The following DOCK4 variants were observed in gnomAD, a reference collection of about 807,000 sequenced individuals.
The protein encoded by DOCK4 is dedicator of cytokinesis 4, also known as dedicator of cytokinesis protein 4.
A neutral mutation model predicts 268.1 loss-of-function variants in DOCK4; 97 were observed. That is an observed-to-expected ratio of 0.36 (90% CI 0.31 to 0.43). The LOEUF (loss-of-function observed/expected upper bound fraction) is 0.43. Ranked by LOEUF, DOCK4 falls within the 20% of genes least tolerant of loss-of-function variation. The pLI, the probability that DOCK4 is intolerant of heterozygous loss-of-function variation, is 1.00. For synonymous variants in DOCK4, 954 were observed against 887.2 expected, an observed-to-expected ratio of 1.08 and a Z score of -1.34; for missense variants, 2,145 against 2,455.7, an observed-to-expected ratio of 0.87 and a Z score of 2.67.
chr7:112,124,650 T>A (rs547044438), intron 1 of DOCK4, among the ~76,000 whole-genome samples: 2 of 152,302 alleles, frequency 1.3e-5, no homozygotes, highest in South Asian at 4.1e-4. Context: ...AAAATGGGAA[T>A]AACATAATTA....
At chr7:111,787,394 A>G (rs567315961) in intron 32 of DOCK4, among the ~76,000 whole-genome samples, 3 of 152,286 alleles carry the variant, frequency 2.0e-5, no homozygotes, top group African/African-American at 4.8e-5. Flanking sequence ...AGCTGTGTAC[A>G]CTAGAATGAA....
intron 1 of DOCK4, among the ~76,000 whole-genome samples, chr7:112,047,221 A>C (rs2135534447): frequency 6.6e-6 from 1 of 152,336 alleles, no homozygotes; most frequent in East Asian, 1.9e-4. Context: ...CCTAAAAGCA[A>C]GACCCAAGAG....
chr7:111,785,307 T>C (rs757484553), intron 32 of DOCK4, among the ~76,000 whole-genome samples: 2 of 152,170 alleles, frequency 1.3e-5, no homozygotes, highest in Non-Finnish European at 2.9e-5. Context: ...AAATTGCAAA[T>C]TGTATTGAAC....
chr7:112,004,483 G>A (rs1470599269), intron 1 of DOCK4, among the ~76,000 whole-genome samples: 1 of 152,112 alleles, frequency 6.6e-6, no homozygotes, highest in Non-Finnish European at 1.5e-5. Context: ...TCATCCAAAT[G>A]CCGGGCCCAT....
intron 1 of DOCK4, among the ~76,000 whole-genome samples, chr7:112,046,266 C>A (rs147706313): frequency 6.6e-6 from 1 of 152,178 alleles, no homozygotes. Context: ...AGTATACCCA[C>A]CATCTATACA....
intron 1 of DOCK4, among the ~76,000 whole-genome samples, chr7:112,205,323 A>C (rs1821304073): frequency 6.6e-6 from 1 of 150,662 alleles, no homozygotes; most frequent in Non-Finnish European, 1.5e-5. Flanking sequence ...CCCCCTCCCC[A>C]TTTATCACTC....
intron 17 of DOCK4, among the ~76,000 whole-genome samples, chr7:111,876,266 T>G (rs1268921707): frequency 6.6e-6 from 1 of 152,196 alleles, no homozygotes; most frequent in Non-Finnish European, 1.5e-5. Context: ...AATTTTGATG[T>G]TACATTTTCT....
At chr7:111,743,432 T>A (rs1796065179) in intron 44 of DOCK4, among the ~76,000 whole-genome samples, 1 of 152,142 alleles carries the variant, frequency 6.6e-6, no homozygotes, top group South Asian at 2.1e-4. Flanking sequence ...TGCCAGCATA[T>A]TTGCATAACA....
chr7:111,939,991 G>A (rs1795074497), intron 11 of DOCK4, 119 bp downstream of exon 11: 1 of 1,019,410 alleles, frequency 9.8e-7, no homozygotes, highest in Admixed American at 2.3e-5. Flanking sequence ...GGGTTTTTGA[G>A]GAATGGCTCA....
chr7:112,047,717 C>T (rs1804946063), intron 1 of DOCK4, among the ~76,000 whole-genome samples: 1 of 152,148 alleles, frequency 6.6e-6, no homozygotes, highest in Admixed American at 6.5e-5. Flanking sequence ...GAGATGGAGT[C>T]TTGCTCGCTC....
At chr7:112,017,968 C>A (rs751604447) in intron 1 of DOCK4, among the ~76,000 whole-genome samples, 9 of 151,520 alleles carry the variant, frequency 5.9e-5, no homozygotes, top group Non-Finnish European at 1.3e-4. Context: ...AGGTGGATCA[C>A]GAGGTCAGGA....
At chr7:111,999,876 G>A (rs1255264698) in intron 3 of DOCK4, among the ~76,000 whole-genome samples, 1 of 151,886 alleles carries the variant, frequency 6.6e-6, no homozygotes, top group Non-Finnish European at 1.5e-5. Flanking sequence ...ACAGATATTA[G>A]TAAGGATTAC....
chr7:111,878,741 G>A (rs1270386295), intron 16 of DOCK4, among the ~76,000 whole-genome samples: 1 of 152,108 alleles, frequency 6.6e-6, no homozygotes, highest in African/African-American at 2.4e-5. Context: ...GCTGTTCTGG[G>A]CTCACAGTGG....
At chr7:111,855,508 G>A (rs1450573837) in intron 23 of DOCK4, among the ~76,000 whole-genome samples, 5 of 152,302 alleles carry the variant, frequency 3.3e-5, no homozygotes, top group African/African-American at 1.2e-4. Flanking sequence ...GACATGCTGA[G>A]TTTAAGGAGC....
intron 42 of DOCK4, among the ~76,000 whole-genome samples, chr7:111,750,155 T>A (rs1318909078): frequency 6.6e-6 from 1 of 152,176 alleles, no homozygotes; most frequent in Admixed American, 6.5e-5. Flanking sequence ...CTAGACCACC[T>A]CGTCTTACCA....
intron 1 of DOCK4, among the ~76,000 whole-genome samples, chr7:112,066,565 T>C (rs796572799): frequency 2.9e-5 from 4 of 135,764 alleles, no homozygotes; most frequent in East Asian, 2.6e-4. Context: ...TACGTATATA[T>C]ACACGTGTGT....
chr7:112,140,683 AC>A (rs1230746061), intron 1 of DOCK4, among the ~76,000 whole-genome samples: 4 of 151,478 alleles, frequency 2.6e-5, no homozygotes, highest in African/African-American at 9.7e-5. Context: ...GAAAAAAAAA[AC>A]ATACACGGAA....
At chr7:111,830,464 A>G (rs1802739008) in intron 26 of DOCK4, among the ~76,000 whole-genome samples, 1 of 151,954 alleles carries the variant, frequency 6.6e-6, no homozygotes, top group African/African-American at 2.4e-5. Flanking sequence ...CAAGATGACT[A>G]ATTAGCCTTT....
chr7:112,069,086 G>T (rs1807344556), intron 1 of DOCK4, among the ~76,000 whole-genome samples: 1 of 152,092 alleles, frequency 6.6e-6, no homozygotes, highest in African/African-American at 2.4e-5. Flanking sequence ...TTGAATAACA[G>T]ACTGGCTATT....
Sources: gnomAD v4.1 joint callset for allele counts (sites outside exome capture counted in the v4.1 genomes callset) on GRCh38, gnomAD v4.1.1 for gene constraint, MANE v1.5 for transcripts, NCBI Gene and HGNC (gene_info 2026-07-23, HGNC 2026-07-21) for gene names.